CNTNAP2: variants seen among roughly 807,000 people sequenced by gnomAD.
The protein encoded by CNTNAP2 is contactin associated protein 2.
A neutral mutation model predicts 155.2 loss-of-function variants in CNTNAP2; 98 were observed. That is an observed-to-expected ratio of 0.63 (90% CI 0.54 to 0.75). The LOEUF (loss-of-function observed/expected upper bound fraction) is 0.75, where lower values mean the gene tolerates loss of function less well. CNTNAP2 is among the 30% of genes least tolerant of loss of function. The pLI is 0.00. For synonymous variants in CNTNAP2, 651 were observed against 631.2 expected, an observed-to-expected ratio of 1.03 and a Z score of -0.47; for missense variants, 1,727 against 1,688.1, an observed-to-expected ratio of 1.02 and a Z score of -0.40.
chr7:148,028,505 G>C (rs1397612336), intron 15 of CNTNAP2, among the ~76,000 whole-genome samples: 1 of 152,202 alleles, frequency 6.6e-6, no homozygotes, highest in East Asian at 1.9e-4. Context: ...GAGTCCGGGA[G>C]GTCAAGGCTG....
intron 8 of CNTNAP2, among the ~76,000 whole-genome samples, chr7:147,277,158 A>G (rs936557874): frequency 2.0e-5 from 3 of 152,022 alleles, no homozygotes; most frequent in Non-Finnish European, 2.9e-5. Context: ...TGCTTGCAAT[A>G]TGGTTTGAGG....
intron 1 of CNTNAP2, among the ~76,000 whole-genome samples, chr7:146,371,298 T>C (rs531287337): frequency 2.6e-5 from 4 of 151,964 alleles, no homozygotes; most frequent in African/African-American, 9.6e-5. Context: ...GTTCCATGTG[T>C]ATATTTACAT....
At chr7:147,853,913 G>A (rs1480822205) in intron 13 of CNTNAP2, among the ~76,000 whole-genome samples, 6 of 152,200 alleles carry the variant, frequency 3.9e-5, no homozygotes, top group Non-Finnish European at 7.4e-5. Flanking sequence ...TAGAAAGATT[G>A]TAAGACTAGA....
At chr7:147,864,616 T>C (rs1465552838) in intron 13 of CNTNAP2, among the ~76,000 whole-genome samples, 1 of 152,218 alleles carries the variant, frequency 6.6e-6, no homozygotes, top group East Asian at 1.9e-4. Flanking sequence ...AGCAGTGTTT[T>C]GTAGTTCTCC....
intron 13 of CNTNAP2, among the ~76,000 whole-genome samples, chr7:147,802,820 G>A (rs1028461217): frequency 6.6e-6 from 1 of 150,982 alleles, no homozygotes; most frequent in East Asian, 2.0e-4. Context: ...AGAGGGAGAG[G>A]GAGAGGGAGA....
chr7:146,827,289 A>G (rs1563248469), intron 2 of CNTNAP2, among the ~76,000 whole-genome samples: 1 of 152,046 alleles, frequency 6.6e-6, no homozygotes, highest in East Asian at 1.9e-4. Flanking sequence ...TTTACTTAGT[A>G]CTTGTTCAGG....
chr7:147,927,476 G>A (rs752203117), intron 14 of CNTNAP2, among the ~76,000 whole-genome samples: 2 of 152,164 alleles, frequency 1.3e-5, no homozygotes, highest in Non-Finnish European at 2.9e-5. Context: ...CAAATGGATT[G>A]TCAAGATAAC....
At chr7:147,873,679 G>A (rs777177075) in intron 13 of CNTNAP2, among the ~76,000 whole-genome samples, 3 of 152,112 alleles carry the variant, frequency 2.0e-5, no homozygotes, top group Non-Finnish European at 4.4e-5. Context: ...CAAATCTCAT[G>A]TCCTCACATT....
At chr7:147,972,770 T>C (rs1801355991) in intron 14 of CNTNAP2, among the ~76,000 whole-genome samples, 1 of 152,030 alleles carries the variant, frequency 6.6e-6, no homozygotes, top group Admixed American at 6.5e-5. Flanking sequence ...CTCCCTAAAT[T>C]AGATTGACCT....
At chr7:147,818,491 G>A (rs1798310627) in intron 13 of CNTNAP2, among the ~76,000 whole-genome samples, 1 of 152,156 alleles carries the variant, frequency 6.6e-6, no homozygotes. Flanking sequence ...AGTGCCAAGT[G>A]ATGGATGCCC....
At chr7:146,574,079 T>C (rs1218627988) in intron 1 of CNTNAP2, among the ~76,000 whole-genome samples, 2 of 152,174 alleles carry the variant, frequency 1.3e-5, no homozygotes, top group Non-Finnish European at 2.9e-5. Flanking sequence ...ACCTGTCCTA[T>C]GAGGCGTGCT....
At chr7:147,056,339 T>C (rs925666414) in intron 4 of CNTNAP2, among the ~76,000 whole-genome samples, 1 of 151,744 alleles carries the variant, frequency 6.6e-6, no homozygotes, top group African/African-American at 2.4e-5. Context: ...GACAAGTAGC[T>C]TCCTAAACTT....
At chr7:147,183,629 A>G (rs1458233461) in intron 8 of CNTNAP2, among the ~76,000 whole-genome samples, 1 of 152,194 alleles carries the variant, frequency 6.6e-6, no homozygotes, top group Non-Finnish European at 1.5e-5. Context: ...AAATAGTGTG[A>G]AAGCACTAAT....
intron 15 of CNTNAP2, among the ~76,000 whole-genome samples, chr7:148,061,432 C>T (rs1803127426): frequency 6.6e-6 from 1 of 152,062 alleles, no homozygotes; most frequent in South Asian, 2.1e-4. Context: ...TGGCTCAGTG[C>T]AACCTCCACC....
intron 1 of CNTNAP2, among the ~76,000 whole-genome samples, chr7:146,241,099 C>T (rs1167991960): frequency 6.6e-6 from 1 of 152,078 alleles, no homozygotes; most frequent in Non-Finnish European, 1.5e-5. Context: ...GCGGGTAATG[C>T]TAAACATTCA....
intron 10 of CNTNAP2, among the ~76,000 whole-genome samples, chr7:147,396,930 A>G (rs1796826321): frequency 6.6e-6 from 1 of 152,074 alleles, no homozygotes. Flanking sequence ...AGTCTTTAAC[A>G]AATGTATTTT....
At chr7:148,072,724 T>C (rs1182260883) in intron 15 of CNTNAP2, among the ~76,000 whole-genome samples, 1 of 152,170 alleles carries the variant, frequency 6.6e-6, no homozygotes, top group Non-Finnish European at 1.5e-5. Flanking sequence ...TGTTTTTGTT[T>C]TGAGACAGCA....
At chr7:146,795,177 A>G (rs1802747138) in intron 2 of CNTNAP2, among the ~76,000 whole-genome samples, 1 of 152,244 alleles carries the variant, frequency 6.6e-6, no homozygotes, top group African/African-American at 2.4e-5. Flanking sequence ...TCTCTACCTT[A>G]TATAGCTTAG....
At chr7:146,834,661 A>T (rs756422876) in intron 2 of CNTNAP2, among the ~76,000 whole-genome samples, 5 of 152,188 alleles carry the variant, frequency 3.3e-5, no homozygotes, top group Admixed American at 6.5e-5. Context: ...TATTTGCTAG[A>T]TGTTTTAGGC....
Sources: allele counts gnomAD v4.1 joint callset (sites outside exome capture counted in the v4.1 genomes callset), GRCh38; gene constraint gnomAD v4.1.1; transcripts MANE v1.5; gene names NCBI Gene and HGNC (gene_info 2026-07-23, HGNC 2026-07-21).